Variants in PREX2 observed in about 807,000 individuals in gnomAD.
PREX2 encodes the protein phosphatidylinositol-3,4,5-trisphosphate dependent Rac exchange factor 2.
Under a neutral mutation model 203.2 loss-of-function variants are expected in PREX2, and 107 were observed. That is an observed-to-expected ratio of 0.53 (90% CI 0.45 to 0.62). PREX2 has a LOEUF of 0.62. Among genes scored for constraint, PREX2 ranks in the 20% least tolerant of loss-of-function variants. The pLI is 0.00. For synonymous variants in PREX2, 672 were observed against 663.6 expected, an observed-to-expected ratio of 1.01 and a Z score of -0.19; for missense variants, 1,777 against 1,955.9, an observed-to-expected ratio of 0.91 and a Z score of 1.72.
chr8:68,172,678 T>A (rs905942377), intron 35 of PREX2, among the ~76,000 whole-genome samples: 1 of 152,082 alleles, frequency 6.6e-6, no homozygotes, highest in Non-Finnish European at 1.5e-5. Context: ...GTTATAGTAT[T>A]TGGGGGAGAA....
intron 37 of PREX2, among the ~76,000 whole-genome samples, chr8:68,200,715 A>T (rs1203418233): frequency 1.3e-5 from 2 of 152,112 alleles, no homozygotes; most frequent in African/African-American, 4.8e-5. Flanking sequence ...GTGAGCAAGG[A>T]TTAATAAATC....
At chr8:67,991,940 T>G (rs575612865) in intron 1 of PREX2, among the ~76,000 whole-genome samples, 1 of 152,210 alleles carries the variant, frequency 6.6e-6, no homozygotes. Context: ...ATCATAGAAG[T>G]CATTTAACCT....
intron 35 of PREX2, among the ~76,000 whole-genome samples, chr8:68,181,461 AC>A: frequency 6.6e-6 from 1 of 152,118 alleles, no homozygotes; most frequent in African/African-American, 2.4e-5. Context: ...GAAGATGGTG[AC>A]AATTCCATAC....
At chr8:68,131,051 C>G (rs1026157788) in intron 31 of PREX2, among the ~76,000 whole-genome samples, 1 of 152,198 alleles carries the variant, frequency 6.6e-6, no homozygotes, top group African/African-American at 2.4e-5. Flanking sequence ...TATTTGAGGA[C>G]TGCTGAGCGG....
chr8:68,098,940 A>ATG (rs1810174242), intron 22 of PREX2, among the ~76,000 whole-genome samples: 1 of 33,656 alleles, frequency 3.0e-5, no homozygotes, highest in African/African-American at 8.9e-5. Context: ...ATATATGTGT[A>ATG]TATATATATA....
At chr8:68,009,317 T>G (rs1246974817) in intron 1 of PREX2, among the ~76,000 whole-genome samples, 1 of 152,248 alleles carries the variant, frequency 6.6e-6, no homozygotes, top group East Asian at 1.9e-4. Flanking sequence ...GAGAATATTA[T>G]CTATACAATG....
intron 34 of PREX2, among the ~76,000 whole-genome samples, chr8:68,148,908 AT>A (rs1811379013): frequency 1.3e-5 from 2 of 152,198 alleles, no homozygotes; most frequent in African/African-American, 2.4e-5. Context: ...GTATTCATAG[AT>A]TGAGAGAAGT....
At chr8:67,954,775 A>G (rs1805447017) in intron 1 of PREX2, among the ~76,000 whole-genome samples, 2 of 152,376 alleles carry the variant, frequency 1.3e-5, no homozygotes, top group East Asian at 3.9e-4. Flanking sequence ...TATTAGGAAG[A>G]GGAAGAAGAG....
At chr8:68,146,946 C>A (rs1811339728) in intron 34 of PREX2, among the ~76,000 whole-genome samples, 1 of 152,126 alleles carries the variant, frequency 6.6e-6, no homozygotes, top group African/African-American at 2.4e-5. Context: ...CAAGAAAATT[C>A]TTGTAGTGAG....
At chr8:68,018,798 C>G (rs1378705321) in intron 2 of PREX2, among the ~76,000 whole-genome samples, 1 of 151,858 alleles carries the variant, frequency 6.6e-6, no homozygotes, top group Non-Finnish European at 1.5e-5. Flanking sequence ...TGTACTATTC[C>G]TGATATTTAT....
Position 68,085,643 on chromosome 8 carries a change from A to G in PREX2, c.2028-2081A>G, listed in dbSNP as rs183086262. 3.9e-5 allele frequency among the ~76,000 whole-genome samples: 6 copies of G among 152,300 alleles called. No individual in the cohort carries two copies. In the East Asian group the frequency reaches 1.2e-3, roughly 29 times the overall value. On this transcript the variant is annotated intron_variant, in intron 18 of 39. Coordinates refer to ENST00000288368, the MANE Select transcript of PREX2 (RefSeq NM_024870.4). ...TAGAACATCCGTCTTGTATAAACGT[A>G]ATTCTTTTTTAATAGGGAATATAAT...
intron 31 of PREX2, among the ~76,000 whole-genome samples, 180 bp downstream of exon 31, chr8:68,127,599 AATATATATATATAC>A (rs1290116586): frequency 1.3e-5 from 2 of 150,704 alleles, no homozygotes; most frequent in African/African-American, 4.9e-5. Flanking sequence ...TAAAAATGCA[AATATATATATATAC>A]ATATATATAT....
intron 11 of PREX2, among the ~76,000 whole-genome samples, chr8:68,066,349 CA>C (rs1809015554): frequency 1.3e-5 from 2 of 152,020 alleles, no homozygotes; most frequent in African/African-American, 2.4e-5. Context: ...CAACAGTGTA[CA>C]AGGGTTTCCT....
intron 1 of PREX2, among the ~76,000 whole-genome samples, chr8:67,975,272 G>GTTTTTTTTTT (rs75276095): frequency 2.1e-5 from 2 of 96,830 alleles, no homozygotes; most frequent in African/African-American, 9.0e-5. Context: ...CACACGGCCT[G>GTTTTTTTTTT]TTTTTTTTTT....
At chr8:68,010,665 A>G (rs1285270459) in intron 1 of PREX2, among the ~76,000 whole-genome samples, 2 of 151,992 alleles carry the variant, frequency 1.3e-5, no homozygotes, top group African/African-American at 4.8e-5. Context: ...GGAAACTGAG[A>G]CTTAAAAGCA....
At chr8:68,142,240 A>G (rs2129613580) in intron 33 of PREX2, among the ~76,000 whole-genome samples, 1 of 152,296 alleles carries the variant, frequency 6.6e-6, no homozygotes, top group South Asian at 2.1e-4. Context: ...AGTATCATAC[A>G]GAGTATTTTT....
intron 35 of PREX2, among the ~76,000 whole-genome samples, chr8:68,165,326 G>A (rs904430371): frequency 2.0e-5 from 3 of 151,720 alleles, no homozygotes; most frequent in Non-Finnish European, 4.4e-5. Context: ...CTGTTATATC[G>A]ACCTAAGCAA....
At chr8:68,135,393 A>G (rs2129613431) in intron 32 of PREX2, among the ~76,000 whole-genome samples, 1 of 152,320 alleles carries the variant, frequency 6.6e-6, no homozygotes, top group African/African-American at 2.4e-5. Flanking sequence ...GTAAAATGAC[A>G]AATAACCAAT....
At chr8:68,110,785 C>G (rs1383567906) in intron 25 of PREX2, 2 of 204,806 alleles carry the variant, frequency 9.8e-6, no homozygotes, top group Non-Finnish European at 2.0e-5. Flanking sequence ...ACATTAGATG[C>G]ATCATATTTT....
Sources: gnomAD v4.1 joint callset for allele counts (sites outside exome capture counted in the v4.1 genomes callset) on GRCh38, gnomAD v4.1.1 for gene constraint, MANE v1.5 for transcripts, NCBI Gene and HGNC (gene_info 2026-07-23, HGNC 2026-07-21) for gene names.